The following TMEM51 variants were observed in gnomAD, a reference collection of about 807,000 sequenced individuals.
TMEM51 encodes transmembrane protein 51, also known as chromosome 1 open reading frame 72.
A neutral mutation model predicts 13.6 loss-of-function variants in TMEM51; 8 were observed. The ratio of observed to expected loss-of-function variants is 0.59; its 90% CI spans 0.35 to 1.07. The LOEUF is 1.07. Among genes scored for constraint, TMEM51 ranks in the 50% least tolerant of loss-of-function variants. TMEM51 has a pLI of 0.02. For missense variants in TMEM51, 279 were observed against 330.7 expected, an observed-to-expected ratio of 0.84 and a Z score of 1.21; for synonymous variants, 147 against 144.4, an observed-to-expected ratio of 1.02 and a Z score of -0.13.
chr1:15,193,108 AG>A (rs1440093224), intron 1 of TMEM51, among the ~76,000 whole-genome samples: 1 of 152,222 alleles, frequency 6.6e-6, no homozygotes, highest in Non-Finnish European at 1.5e-5. Context: ...GCACCGGCGT[AG>A]CAGCCCGCAG....
At chr1:15,213,392 G>C (rs940423732) in intron 2 of TMEM51, among the ~76,000 whole-genome samples, 8 of 152,238 alleles carry the variant, frequency 5.3e-5, no homozygotes, top group African/African-American at 1.7e-4. Flanking sequence ...AGCCTGGTCA[G>C]TCATCCTTTC....
At chr1:15,198,303 C>T (rs1644090316) in intron 1 of TMEM51, among the ~76,000 whole-genome samples, 1 of 152,192 alleles carries the variant, frequency 6.6e-6, no homozygotes, top group Non-Finnish European at 1.5e-5. Flanking sequence ...TAGTGAGCTG[C>T]CTAAGAGGCT....
chr1:15,200,120 AG>A (rs1214462586), intron 1 of TMEM51, among the ~76,000 whole-genome samples: 3 of 152,064 alleles, frequency 2.0e-5, no homozygotes, highest in Non-Finnish European at 4.4e-5. Context: ...GCCTTTACAT[AG>A]GGGATCAAGG....
intron 1 of TMEM51, among the ~76,000 whole-genome samples, chr1:15,195,806 CA>C (rs1287240440): frequency 6.6e-6 from 1 of 152,176 alleles, no homozygotes; most frequent in Non-Finnish European, 1.5e-5. Flanking sequence ...TCCTAACGAG[CA>C]TCTCCTGCCC....
intron 1 of TMEM51, among the ~76,000 whole-genome samples, chr1:15,176,443 G>T (rs538924892): frequency 6.6e-6 from 1 of 152,152 alleles, no homozygotes; most frequent in Non-Finnish European, 1.5e-5. Flanking sequence ...GCCACTCCCC[G>T]CTGGCCATGG....
intron 1 of TMEM51, among the ~76,000 whole-genome samples, chr1:15,182,781 G>A (rs184806101): frequency 1.3e-5 from 2 of 152,200 alleles, no homozygotes; most frequent in Non-Finnish European, 2.9e-5. Flanking sequence ...TCTTTTGGGG[G>A]GCACAGAATC....
chr1:15,219,434 C>A lies in TMEM51; in HGVS notation c.453C>A (p.Asn151Lys). 6.2e-7 allele frequency: 1 copy of A among 1,614,046 alleles called. No individual in the cohort carries two copies. ...CAGAAGCAAGGGGAGAGGAGCAGAA[C>A]CCGAGGTTGAGCATCTCTCTCCCGT... ...NYSEARGEEQ[N>K]PRLSISLPSY... The change falls in exon 4 of 4, where the codon AAC becomes AAA. Residue 151 changes from asparagine to lysine, a missense_variant. Coordinates refer to ENST00000376008, the MANE Select transcript of TMEM51 (RefSeq NM_001136218.2).
intron 1 of TMEM51, among the ~76,000 whole-genome samples, chr1:15,159,007 C>A (rs1642679637): frequency 6.6e-6 from 1 of 152,170 alleles, no homozygotes; most frequent in Non-Finnish European, 1.5e-5. Flanking sequence ...ATGGTAAGAA[C>A]CTTGCGCAAT....
chr1:15,172,546 C>T (rs1195395946), intron 1 of TMEM51, among the ~76,000 whole-genome samples: 2 of 151,992 alleles, frequency 1.3e-5, no homozygotes, highest in East Asian at 1.9e-4. Flanking sequence ...AGTAAGTGAA[C>T]TCTGGGGCTA....
intron 1 of TMEM51, among the ~76,000 whole-genome samples, chr1:15,179,234 G>A (rs1286313925): frequency 1.3e-5 from 2 of 152,126 alleles, no homozygotes. Context: ...TAGAGAGAAA[G>A]GCAAACAGCT....
At chr1:15,205,128 G>C (rs1285485845) in intron 1 of TMEM51, among the ~76,000 whole-genome samples, 1 of 152,182 alleles carries the variant, frequency 6.6e-6, no homozygotes, top group African/African-American at 2.4e-5. Context: ...CACCTGCTTA[G>C]AGAAAGACAC....
At chr1:15,212,682 G>A (rs1362884765) in intron 2 of TMEM51, among the ~76,000 whole-genome samples, 1 of 152,226 alleles carries the variant, frequency 6.6e-6, no homozygotes, top group Non-Finnish European at 1.5e-5. Context: ...CCAGCCATGA[G>A]TGATACTGTA....
At chr1:15,168,461 G>A (rs1286813559) in intron 1 of TMEM51, 1 of 1,290,678 alleles carries the variant, frequency 7.7e-7, no homozygotes, top group Admixed American at 2.4e-5. Flanking sequence ...GCAATTAGCT[G>A]TAACTCAGAA....
At chr1:15,174,111 G>A (rs1643382157) in intron 1 of TMEM51, among the ~76,000 whole-genome samples, 1 of 152,254 alleles carries the variant, frequency 6.6e-6, no homozygotes, top group Admixed American at 6.5e-5. Flanking sequence ...TCAGAAATCA[G>A]GGCGGGAACT....
chr1:15,168,863 G>A, intron 1 of TMEM51: 1 of 1,214,918 alleles, frequency 8.2e-7, no homozygotes, highest in Non-Finnish European at 1.0e-6. Flanking sequence ...GATATTTGGG[G>A]ACTACCCTTA....
intron 1 of TMEM51, among the ~76,000 whole-genome samples, chr1:15,206,986 C>A (rs1361795068): frequency 2.6e-5 from 4 of 152,346 alleles, no homozygotes; most frequent in African/African-American, 9.6e-5. Context: ...GGAGCAGGGG[C>A]TCAGCACCTT....
rs997170334 is a variant in TMEM51, at chr1:15,173,281, G to A, written c.-267+19327G>A. Among the ~76,000 whole-genome samples the A allele has an allele frequency of 5.7e-5, 8 of 139,348 alleles. No individual in the cohort carries two copies. The South Asian group carries it at 9.2e-4, about 16-fold the overall frequency. 91.4% of individuals were successfully genotyped at this position (139,348 alleles called of 152,430 possible). ...TTTGCCTAGGCTAGAGTGCAGTGGC[G>A]CAATCTCGGCTCACTACAACCTCTG... On this transcript the variant is annotated intron_variant, in intron 1 of 3. Coordinates refer to ENST00000376008, the MANE Select transcript of TMEM51 (RefSeq NM_001136218.2).
At chr1:15,201,296 G>A (rs942511005) in intron 1 of TMEM51, among the ~76,000 whole-genome samples, 10 of 151,538 alleles carry the variant, frequency 6.6e-5, no homozygotes, top group Non-Finnish European at 8.8e-5. Context: ...AATAATATTC[G>A]TAATAGGTCG....
chr1:15,160,776 CG>C (rs35932366), intron 1 of TMEM51, among the ~76,000 whole-genome samples: 10 of 151,680 alleles, frequency 6.6e-5, no homozygotes, highest in Non-Finnish European at 1.0e-4. Flanking sequence ...AGCTAAACAC[CG>C]GCGCCATCAC....
Sources: gnomAD v4.1 joint callset for allele counts (sites outside exome capture counted in the v4.1 genomes callset) on GRCh38, gnomAD v4.1.1 for gene constraint, MANE v1.5 for transcripts, NCBI Gene and HGNC (gene_info 2026-07-23, HGNC 2026-07-21) for gene names.